NKAIN3: variants seen among roughly 807,000 people sequenced by gnomAD.
NKAIN3 encodes the protein sodium/potassium-transporting ATPase subunit beta-1-interacting protein 3.
In NKAIN3, 25 loss-of-function variants were observed where a neutral mutation model predicts 30.2. The observed-to-expected ratio is 0.83, with a 90% CI of 0.60 to 1.16. The LOEUF is 1.16. Among genes scored for constraint, NKAIN3 ranks in the 50% most tolerant of loss-of-function variants. The pLI, the probability that NKAIN3 is intolerant of heterozygous loss-of-function variation, is 0.00. For missense variants in NKAIN3, 225 were observed against 254.1 expected, an observed-to-expected ratio of 0.89 and a Z score of 0.78; for synonymous variants, 91 against 89.6, an observed-to-expected ratio of 1.02 and a Z score of -0.09.
intron 3 of NKAIN3, among the ~76,000 whole-genome samples, chr8:62,737,988 G>A (rs557664972): frequency 8.0e-4 from 122 of 152,294 alleles, no homozygotes; most frequent in African/African-American, 2.5e-3. Flanking sequence ...GTGTGCATGT[G>A]TCTTTAGAGT....
intron 1 of NKAIN3, among the ~76,000 whole-genome samples, chr8:62,379,807 C>G (rs754999590): frequency 6.6e-6 from 1 of 152,044 alleles, no homozygotes; most frequent in Non-Finnish European, 1.5e-5. Context: ...GAAAAAGGAG[C>G]CTTCATTTTT....
intron 4 of NKAIN3, among the ~76,000 whole-genome samples, chr8:62,787,529 TA>T (rs1817561363): frequency 6.6e-6 from 1 of 152,136 alleles, no homozygotes. Context: ...CCTCTTTTTT[TA>T]AAATTATTAT....
chr8:62,559,449 T>C (rs1199738548), intron 1 of NKAIN3, among the ~76,000 whole-genome samples: 1 of 152,066 alleles, frequency 6.6e-6, no homozygotes, highest in African/African-American at 2.4e-5. Flanking sequence ...CCTAACATTT[T>C]AGTTTTCACT....
intron 1 of NKAIN3, among the ~76,000 whole-genome samples, chr8:62,421,285 C>T (rs377177626): frequency 2.0e-5 from 3 of 152,086 alleles, no homozygotes; most frequent in African/African-American, 7.2e-5. Flanking sequence ...GCTGCAGGAT[C>T]GACTGTCCCA....
At chr8:62,915,140 G>A (rs753024080) in intron 4 of NKAIN3, among the ~76,000 whole-genome samples, 15 of 152,146 alleles carry the variant, frequency 9.9e-5, no homozygotes, top group Non-Finnish European at 1.5e-4. Flanking sequence ...AACCTGCTGC[G>A]AGTCTAAATA....
intron 1 of NKAIN3, among the ~76,000 whole-genome samples, chr8:62,425,384 AAAC>A (rs1468292825): frequency 6.6e-6 from 1 of 151,938 alleles, no homozygotes; most frequent in Admixed American, 6.6e-5. Flanking sequence ...GCATTGGAGT[AAAC>A]AAGATACATT....
At chr8:62,805,572 A>G (rs2130703392) in intron 4 of NKAIN3, among the ~76,000 whole-genome samples, 1 of 152,252 alleles carries the variant, frequency 6.6e-6, no homozygotes, top group Admixed American at 6.5e-5. Flanking sequence ...TATTTAATAA[A>G]TGGTGCTGGG....
intron 3 of NKAIN3, among the ~76,000 whole-genome samples, chr8:62,680,256 C>T (rs997146541): frequency 6.6e-6 from 1 of 152,142 alleles, no homozygotes; most frequent in Non-Finnish European, 1.5e-5. Context: ...GGATTCTTCT[C>T]AAAGCCTCCA....
intron 1 of NKAIN3, among the ~76,000 whole-genome samples, chr8:62,428,654 G>T (rs1313247810): frequency 6.6e-6 from 1 of 151,994 alleles, no homozygotes; most frequent in Non-Finnish European, 1.5e-5. Context: ...CTTCTTTTGA[G>T]AAATGTCCAT....
rs184284837 is a variant in NKAIN3 at position 62,262,946 on chromosome 8, G to A, written c.54+13819G>A. Among the ~76,000 whole-genome samples the A allele has an allele frequency of 5.9e-5, 9 of 152,200 alleles. No individual in the cohort carries two copies. The East Asian group carries it at 1.7e-3, about 29-fold the overall frequency. On this transcript the variant is annotated intron_variant, in intron 1 of 6. Transcript: ENST00000623646. ...AGATATAAGTAATATGATTTTTATA[G>A]CTCAGTTTTTCTTTCAACACAACAC... is the stretch of plus-strand genomic sequence containing the variant.
intron 3 of NKAIN3, among the ~76,000 whole-genome samples, chr8:62,646,873 A>T (rs1421257239): frequency 6.6e-6 from 1 of 152,204 alleles, no homozygotes; most frequent in Non-Finnish European, 1.5e-5. Context: ...ATAGACAATC[A>T]TGGAAAGAAA....
chr8:62,805,747 G>C (rs182061233), intron 4 of NKAIN3, among the ~76,000 whole-genome samples: 1 of 152,164 alleles, frequency 6.6e-6, no homozygotes, highest in Non-Finnish European at 1.5e-5. Context: ...CCTGGGCAAG[G>C]ACTTCATGTC....
intron 4 of NKAIN3, among the ~76,000 whole-genome samples, chr8:62,871,836 C>T (rs1486924424): frequency 6.6e-6 from 1 of 152,170 alleles, no homozygotes; most frequent in Non-Finnish European, 1.5e-5. Context: ...TCTAGAATAT[C>T]TCAGCTATGC....
At chr8:62,424,360 AC>A (rs1347677344) in intron 1 of NKAIN3, among the ~76,000 whole-genome samples, 1 of 151,964 alleles carries the variant, frequency 6.6e-6, no homozygotes, top group African/African-American at 2.4e-5. Flanking sequence ...TAAAAAGGAA[AC>A]CTACACAATG....
chr8:62,779,030 C>A lies in NKAIN3; in HGVS notation c.471+31901C>A, dbSNP rs560458058. Among the ~76,000 whole-genome samples the A allele has an allele frequency of 1.2e-4, 19 of 152,080 alleles. No individual in the cohort carries two copies. In the East Asian group the frequency reaches 3.3e-3, roughly 27 times the overall value. ...TGGGAGCTAGGGCCTGGAATGGGGG[C>A]CTCAGGACTCTGCCAGGTGCCCTAT... On this transcript the variant is annotated intron_variant, in intron 4 of 6. Coordinates refer to ENST00000623646, the MANE Select transcript of NKAIN3 (RefSeq NM_001304533.3).
intron 5 of NKAIN3, among the ~76,000 whole-genome samples, chr8:62,927,418 A>G (rs917833771): frequency 2.0e-5 from 3 of 152,220 alleles, no homozygotes; most frequent in Admixed American, 2.0e-4. Context: ...CTAGTGTTCA[A>G]TAGTAGAGTG....
chr8:62,626,240 C>T (rs1375991078), intron 3 of NKAIN3, among the ~76,000 whole-genome samples: 1 of 152,028 alleles, frequency 6.6e-6, no homozygotes, highest in Non-Finnish European at 1.5e-5. Context: ...GATTCAACTC[C>T]CATTGATTTT....
rs184208233 is a variant in NKAIN3 at position 62,617,134 on chromosome 8, G to A, written c.273+27340G>A. 2.4e-4 allele frequency among the ~76,000 whole-genome samples: 37 copies of A among 152,296 alleles called. No homozygotes were observed. In the East Asian group the frequency reaches 7.1e-3, roughly 29 times the overall value. On this transcript the variant is annotated intron_variant, in intron 3 of 6. Coordinates refer to ENST00000623646, the MANE Select transcript of NKAIN3 (RefSeq NM_001304533.3). ...TCCCTGAGGCATCCTCAGAAGCTGA[G>A]TAAATGCAAGTGCCATGCTTCTACA... is the stretch of plus-strand genomic sequence containing the variant.
At chr8:62,865,829 A>AG (rs537260014) in intron 4 of NKAIN3, among the ~76,000 whole-genome samples, 3 of 152,130 alleles carry the variant, frequency 2.0e-5, no homozygotes, top group Non-Finnish European at 4.4e-5. Flanking sequence ...TAAACATGGG[A>AG]GGGGGGCTCA....
Sources: gnomAD v4.1 joint callset for allele counts (sites outside exome capture counted in the v4.1 genomes callset) on GRCh38, gnomAD v4.1.1 for gene constraint, MANE v1.5 for transcripts, NCBI Gene and HGNC (gene_info 2026-07-23, HGNC 2026-07-21) for gene names.